The following CHST10 variants were observed in gnomAD, a reference collection of about 807,000 sequenced individuals.
The protein encoded by CHST10 is HNK-1 sulfotransferase.
Under a neutral mutation model 34.7 loss-of-function variants are expected in CHST10, and 24 were observed. The observed-to-expected ratio is 0.69, with a 90% CI of 0.50 to 0.97. The LOEUF is 0.97. Ranked by LOEUF, CHST10 falls within the 50% of genes least tolerant of loss-of-function variation. The pLI is 0.00. For missense variants in CHST10, 402 were observed against 452.1 expected, an observed-to-expected ratio of 0.89 and a Z score of 1.00; for synonymous variants, 161 against 169.3, an observed-to-expected ratio of 0.95 and a Z score of 0.38.
In CHST10 at chr2:100,415,037, G is replaced by C. The variant is rs567453291; in HGVS notation, c.-33+4C>G. The C allele has an allele frequency of 7.7e-7, 1 of 1,301,764 alleles. No homozygotes were observed. The highest frequency in any genetic ancestry group is 1.2e-5 in the South Asian group (1 of 80,402). 80.6% of individuals were successfully genotyped at this position (1,301,764 alleles called of 1,614,324 possible). A position where few individuals can be genotyped will look rare whatever the true frequency, so the allele number is the denominator to read the frequency against. On this transcript the variant is annotated splice_donor_region_variant and intron_variant, in intron 2 of 6. Transcript: ENST00000264249. The stretch of plus-strand genomic sequence containing the variant: ...CTGATGAGCTCACATTCTCCTTCAC[G>C]TACCTTCTGCAGCCTGGGGCTCACA...
chr2:100,415,202 T>G (rs1216876829), intron 1 of CHST10, 91 bp from the exon 2 acceptor site: 3 of 658,552 alleles, frequency 4.6e-6, no homozygotes, highest in Non-Finnish European at 6.8e-6. Flanking sequence ...AGGAAGGAAA[T>G]AGTGAACCAT....
In CHST10 at chr2:100,393,627, G is replaced by C; in HGVS notation, c.689C>G (p.Thr230Arg). ...GIIRKYRRNR[T>R]ETRGIQFEDF... ...TTCAAACTGGATCCCCCGGGTCTCT[G>C]TCCGGTTCCTCCTGTATTTTCTGAT... Residue 230 changes from threonine to arginine, a missense_variant, in exon 7 of 7, where the codon ACA becomes AGA. Transcript: ENST00000264249. The C allele has an allele frequency of 6.2e-7, 1 of 1,614,160 alleles. No homozygotes were observed. Among genetic ancestry groups the C allele is most frequent in the Non-Finnish European group, 8.5e-7 (1 of 1,180,034 alleles).
At chr2:100,401,173 G>C (rs1042586009) in intron 4 of CHST10, among the ~76,000 whole-genome samples, 1 of 152,170 alleles carries the variant, frequency 6.6e-6, no homozygotes, top group Non-Finnish European at 1.5e-5. Context: ...GGGTAAGAGA[G>C]GGGCACAGAG....
intron 2 of CHST10, chr2:100,407,936 T>C (rs1056612679): frequency 6.6e-5 from 10 of 152,084 alleles, no homozygotes; most frequent in Admixed American, 2.6e-4. Flanking sequence ...CAAGTTAAGA[T>C]TGAATTTCAG....
At chr2:100,413,103 G>T (rs557369849) in intron 2 of CHST10, among the ~76,000 whole-genome samples, 1 of 152,158 alleles carries the variant, frequency 6.6e-6, no homozygotes, top group Non-Finnish European at 1.5e-5. Context: ...AGAGGACTGC[G>T]GCCTGACATA....
At chr2:100,409,574 C>T (rs913960094) in intron 2 of CHST10, among the ~76,000 whole-genome samples, 20 of 152,008 alleles carry the variant, frequency 1.3e-4, no homozygotes, top group African/African-American at 4.1e-4. Flanking sequence ...AGGGACTGGT[C>T]TGCACTCACC....
intron 5 of CHST10, 125 bp from the exon 6 acceptor site, chr2:100,395,739 C>G (rs1675029647): frequency 3.3e-6 from 2 of 602,250 alleles, no homozygotes; most frequent in Admixed American, 2.9e-5. Context: ...AAGCCCACCC[C>G]CAATATCCAA....
intron 1 of CHST10, chr2:100,417,097 C>G: frequency 7.7e-7 from 1 of 1,292,136 alleles, no homozygotes; most frequent in South Asian, 1.2e-5. Flanking sequence ...AAATTCTCAG[C>G]CAAGGATGAA....
chr2:100,396,266 C>G (rs915647916), intron 5 of CHST10, among the ~76,000 whole-genome samples: 1 of 152,174 alleles, frequency 6.6e-6, no homozygotes, highest in African/African-American at 2.4e-5. Context: ...AAGGCAGGGC[C>G]GTGCCAACAG....
intron 1 of CHST10, among the ~76,000 whole-genome samples, chr2:100,415,321 A>G (rs1234884886): frequency 1.3e-5 from 2 of 152,226 alleles, no homozygotes; most frequent in African/African-American, 4.8e-5. Context: ...CTAGCTGTTT[A>G]AAAGACTCTT....
intron 2 of CHST10, chr2:100,408,499 A>G (rs1438743630): frequency 6.6e-6 from 1 of 152,202 alleles, no homozygotes; most frequent in African/African-American, 2.4e-5. Flanking sequence ...CAGAGTGGCC[A>G]TGAGGATTAA....
intron 1 of CHST10, chr2:100,416,940 G>T: frequency 7.7e-7 from 1 of 1,302,146 alleles, no homozygotes; most frequent in Non-Finnish European, 1.0e-6. Context: ...GGCACCCCGG[G>T]GCCCCTCAGG....
In CHST10 at chr2:100,402,941, T is replaced by C. The variant is rs183936449; in HGVS notation, c.101-286A>G. Among the ~76,000 whole-genome samples, 560 of 152,268 alleles carry C rather than the reference T, an allele frequency of 3.7e-3. 2 individuals carry two copies. Among genetic ancestry groups the C allele is most frequent in the South Asian group, 6.6e-3 (32 of 4,826 alleles). ...TGTGAAACATAAAACCATCAATCTT[T>C]TTAAAAAACAACCAAAGAGAAAATC... On this transcript the variant is annotated intron_variant, in intron 3 of 6. Transcript: ENST00000264249.
At position 100,399,297 on chromosome 2, in the gene CHST10, G is replaced by A. The variant is rs540016303; in HGVS notation, c.193-1155C>T. On this transcript the variant is annotated intron_variant, in intron 4 of 6. Transcript: ENST00000264249. ...TTTTTGTTGTATTTTTAGTAGAGACGGGGTTTCACTGTGTTAGCCAGGATG... is the reference window on the plus strand; with the variant it reads ...TTTTTGTTGTATTTTTAGTAGAGACAGGGTTTCACTGTGTTAGCCAGGATG... 2.6e-5 allele frequency among the ~76,000 whole-genome samples: 4 copies of A among 152,162 alleles called. 1 individual carries two copies. Among genetic ancestry groups the A allele is most frequent in the South Asian group, 4.2e-4 (2 of 4,812 alleles).
intron 3 of CHST10, among the ~76,000 whole-genome samples, chr2:100,405,789 T>C (rs957420757): frequency 3.9e-5 from 6 of 152,218 alleles, no homozygotes; most frequent in African/African-American, 1.4e-4. Flanking sequence ...TGACTCCATG[T>C]GTCTGGCTTC....
chr2:100,417,045 G>A (rs1402611538), intron 1 of CHST10: 1 of 1,304,282 alleles, frequency 7.7e-7, no homozygotes, highest in Admixed American at 2.3e-5. Context: ...TTGGACCCAA[G>A]CTGAACCCTT....
chr2:100,404,037 C>T (rs2104357150), intron 3 of CHST10, among the ~76,000 whole-genome samples: 1 of 152,366 alleles, frequency 6.6e-6, no homozygotes, highest in Non-Finnish European at 1.5e-5. Context: ...GCCCAGCGTC[C>T]TTGTGCACTG....
Position 100,406,551 on chromosome 2 carries a change from T to C in CHST10, c.100+25A>G, listed in dbSNP as rs1337830556. On this transcript the variant is annotated intron_variant, in intron 3 of 6. Coordinates refer to ENST00000264249, the MANE Select transcript of CHST10 (RefSeq NM_004854.5). ...CAGCTAGGTCTAAATTAGCCAAAAT[T>C]CGTTCCACCATGAAGCATACGTACC... 3.1e-6 allele frequency: 5 copies of C among 1,613,122 alleles called. No homozygotes were observed. The South Asian group carries it at 4.4e-5, about 14-fold the overall frequency.
chr2:100,403,161 C>T (rs765542160), intron 3 of CHST10, among the ~76,000 whole-genome samples: 1 of 152,048 alleles, frequency 6.6e-6, no homozygotes, highest in Non-Finnish European at 1.5e-5. Flanking sequence ...GGAGAGTATC[C>T]GCAGATGGCA....
Sources: allele counts gnomAD v4.1 joint callset (sites outside exome capture counted in the v4.1 genomes callset), GRCh38; gene constraint gnomAD v4.1.1; transcripts MANE v1.5; gene names NCBI Gene and HGNC (gene_info 2026-07-23, HGNC 2026-07-21).